AP1G1: variants seen among roughly 807,000 people sequenced by gnomAD.
AP1G1 encodes the protein adaptor related protein complex 1 subunit gamma 1.
Under a neutral mutation model 108.3 loss-of-function variants are expected in AP1G1, and 7 were observed. That is an observed-to-expected ratio of 0.06 (90% CI 0.04 to 0.12). The LOEUF (loss-of-function observed/expected upper bound fraction) is 0.12. AP1G1 is among the 10% of genes least tolerant of loss of function. The probability of loss-of-function intolerance (pLI) is 1.00; values close to 1 mark genes in which losing one functional copy is unlikely to be tolerated. For synonymous variants in AP1G1, 379 were observed against 353.5 expected (o/e 1.07, Z -0.81); for missense variants, 756 against 1,010.7 (o/e 0.75, Z 3.42).
chr16:71,754,434 A>G (rs1179908143), intron 12 of AP1G1, among the ~76,000 whole-genome samples: 1 of 152,214 alleles, frequency 6.6e-6, no homozygotes, highest in Admixed American at 6.5e-5. Flanking sequence ...TTCCCTGGAT[A>G]AGTGAACATA....
intron 16 of AP1G1, chr16:71,746,895 T>A: frequency 2.5e-6 from 1 of 407,782 alleles, no homozygotes; most frequent in Non-Finnish European, 4.4e-6. Context: ...ATTGTAACAC[T>A]AGATTTTTGT....
chr16:71,779,144 C>T (rs756426138), intron 2 of AP1G1, among the ~76,000 whole-genome samples: 6 of 152,108 alleles, frequency 3.9e-5, no homozygotes, highest in Non-Finnish European at 7.4e-5. Context: ...CCTAAGAGAT[C>T]GAAGTTTTCA....
rs575676400 is a variant in AP1G1 at position 71,739,018 on chromosome 16, G to A, written c.2192C>T (p.Thr731Ile). 1 of 1,614,132 alleles carries A rather than the reference G, an allele frequency of 6.2e-7. No individual in the cohort carries two copies. Among genetic ancestry groups the A allele is most frequent in the East Asian group, 2.2e-5 (1 of 44,882 alleles). The change falls in exon 21 of 23, where the codon ACA becomes ATA. Residue 731 changes from threonine to isoleucine, a missense_variant. Thr to Ile is a moderately conservative substitution (Grantham distance 89). Coordinates refer to ENST00000299980, the MANE Select transcript of AP1G1 (RefSeq NM_001128.6). ...FERSNTNPSV[T>I]VITIQASNST... ...GTTGGAGGCCTGTATCGTTATCACTGTTACACTGGGGTTGGTATTTGACCG... is the reference window on the plus strand; with the variant it reads ...GTTGGAGGCCTGTATCGTTATCACTATTACACTGGGGTTGGTATTTGACCG...
At position 71,731,371 on chromosome 16, in the gene AP1G1, C is replaced by G. The variant is rs1421877758; in HGVS notation, c.*1687G>C. ...GAATATTCCAGCATCTGATACAGAG[C>G]TAGATTTGACAAGACACTGAAGATT... On this transcript the variant is annotated 3_prime_UTR_variant, in exon 23 of 23. Transcript: ENST00000299980. 6.6e-6 allele frequency: 1 copy of G among 152,424 alleles called. No homozygotes were observed. The highest frequency in any genetic ancestry group is 1.5e-5 in the Non-Finnish European group (1 of 68,026). The allele number at this position is 152,424 out of a possible 1,614,324, so 9.4% of individuals were successfully genotyped here.
chr16:71,795,020 A>C (rs1222983199), intron 1 of AP1G1, among the ~76,000 whole-genome samples: 1 of 151,886 alleles, frequency 6.6e-6, no homozygotes, highest in East Asian at 1.9e-4. Context: ...AAAAAATTGA[A>C]TTGTCCTTTC....
intron 1 of AP1G1, among the ~76,000 whole-genome samples, chr16:71,795,945 T>C (rs1265234120): frequency 6.6e-6 from 1 of 152,164 alleles, no homozygotes; most frequent in Admixed American, 6.6e-5. Flanking sequence ...AGAGATTAAA[T>C]CTGGGGATAG....
intron 2 of AP1G1, among the ~76,000 whole-genome samples, chr16:71,777,103 T>C (rs781548529): frequency 3.0e-5 from 2 of 67,568 alleles, no homozygotes; most frequent in South Asian, 4.5e-4. Context: ...AGCCAAACTG[T>C]TACAAAAAAA....
chr16:71,792,198 A>G (rs1013044972), intron 1 of AP1G1, among the ~76,000 whole-genome samples: 1 of 152,194 alleles, frequency 6.6e-6, no homozygotes, highest in Non-Finnish European at 1.5e-5. Flanking sequence ...TCTGAACCAT[A>G]AAGGTGTCAA....
intron 4 of AP1G1, among the ~76,000 whole-genome samples, chr16:71,772,107 G>A (rs1261321129): frequency 2.7e-5 from 4 of 149,886 alleles, no homozygotes; most frequent in African/African-American, 9.8e-5. Flanking sequence ...TTATATTTGG[G>A]AGGAAAAAAT....
chr16:71,745,576 A>C lies in AP1G1; in HGVS notation c.1769T>G (p.Val590Gly). ...AATCTCAGTAGGGCCATTTGTGGTCACTTTTTCCATGACAGGCATTCTCTC... is the reference window on the plus strand; with the variant it reads ...AATCTCAGTAGGGCCATTTGTGGTCCCTTTTTCCATGACAGGCATTCTCTC... Reference protein sequence around the residue: ...LLERMPVMEKVTTNGPTEIVQ... With the variant: ...LLERMPVMEKGTTNGPTEIVQ... Residue 590 changes from valine to glycine, a missense_variant, in exon 18 of 23, where the codon GTG becomes GGG. This residue lies in a region of AP1G1 where 357 missense variants were observed against 366.5 expected (regional missense o/e 0.97). Transcript: ENST00000299980. The C allele has an allele frequency of 6.2e-7, 1 of 1,614,184 alleles. No individual in the cohort carries two copies. Among genetic ancestry groups the C allele is most frequent in the South Asian group, 1.1e-5 (1 of 91,088 alleles).
intron 6 of AP1G1, chr16:71,767,931 C>G: frequency 6.3e-7 from 1 of 1,588,014 alleles, no homozygotes; most frequent in South Asian, 1.1e-5. Flanking sequence ...ACAAAACATA[C>G]AAAGCAAGCA....
chr16:71,734,548 T>G, intron 22 of AP1G1, 61 bp downstream of exon 22: 8 of 1,386,606 alleles, frequency 5.8e-6, no homozygotes, highest in Non-Finnish European at 8.2e-6. Context: ...AAAGCAGAAT[T>G]TTATTTCGGG....
rs992278396 is a variant in AP1G1, at chr16:71,756,075, C to T, written c.1173G>A (p.Ser391=). 34 of 1,612,774 alleles carry T rather than the reference C, an allele frequency of 2.1e-5. No homozygotes were observed. The highest frequency in any genetic ancestry group is 3.3e-4 in the Middle Eastern group (2 of 6,084). ...AGTCTGCTTTAAATTCTGGCTCACA[C>T]GAATCCAGAAAATAAAGTAATTCTT... ...MMKELLYFLD[S]CEPEFKADCA... Residue 391 remains serine, a synonymous_variant, in exon 12 of 23, where the codon TCG becomes TCA. Transcript: ENST00000299980.
At chr16:71,750,467 T>C in intron 13 of AP1G1, 135 bp from the exon 14 acceptor site, 1 of 1,072,764 alleles carries the variant, frequency 9.3e-7, no homozygotes, top group Non-Finnish European at 1.3e-6. Context: ...CAGGCTGGAG[T>C]GCGATAGCGC....
At position 71,789,431 on chromosome 16, in the gene AP1G1, C is replaced by T; in HGVS notation, c.49G>A (p.Ala17Thr). The part of the protein sequence containing the change: ...LRELIRTIRT[A>T]RTQAEEREMI... ...TCTCGTTCTTCAGCTTGGGTTCGGG[C>T]TGTCCGGATGGTCCGGATCAGCTCC... is the stretch of plus-strand genomic sequence containing the variant. The change falls in exon 2 of 23, where the codon GCC becomes ACC. Residue 17 changes from alanine (A) to threonine (T), a missense_variant. Around this residue, in one of 3 missense-constraint regions of AP1G1, gnomAD observed 304 missense variants for 483.6 expected, o/e 0.63. Transcript: ENST00000299980. 1 of 1,614,184 alleles carries T rather than the reference C, an allele frequency of 6.2e-7. No homozygotes were observed. The highest frequency in any genetic ancestry group is 8.5e-7 in the Non-Finnish European group (1 of 1,180,044).
chr16:71,753,554 C>T (rs2030617266), intron 13 of AP1G1: 3 of 402,364 alleles, frequency 7.5e-6, no homozygotes, highest in Non-Finnish European at 1.4e-5. Flanking sequence ...CACCTCATGT[C>T]TCTTAGGTCT....
Position 71,756,076 on chromosome 16 carries a change from G to T in AP1G1, c.1172C>A (p.Ser391Ter). 1 of 1,612,646 alleles carries T rather than the reference G, an allele frequency of 6.2e-7. No individual in the cohort carries two copies. The highest frequency in any genetic ancestry group is 8.5e-7 in the Non-Finnish European group (1 of 1,179,302). The change falls in exon 12 of 23, where the codon TCG (serine) becomes TAG (stop). Residue 391 changes from serine to a stop codon, truncating the protein, a stop_gained. Transcript: ENST00000299980. LOFTEE classifies it high-confidence loss of function. ...GTCTGCTTTAAATTCTGGCTCACAC[G>T]AATCCAGAAAATAAAGTAATTCTTT... is the stretch of plus-strand genomic sequence containing the variant. ...MMKELLYFLD[S>*]CEPEFKADCA...
chr16:71,787,006 CA>C (rs1236094655), intron 2 of AP1G1, among the ~76,000 whole-genome samples: 1 of 151,904 alleles, frequency 6.6e-6, no homozygotes, highest in African/African-American at 2.4e-5. Flanking sequence ...GCCTGGGCAA[CA>C]GAGTGAGATC....
chr16:71,796,958 C>A (rs2032608051), intron 1 of AP1G1, among the ~76,000 whole-genome samples: 1 of 151,100 alleles, frequency 6.6e-6, no homozygotes, highest in South Asian at 2.1e-4. Context: ...ATGCTTGATT[C>A]CAGGAGTTCA....
Sources: gnomAD v4.1 joint callset for allele counts (sites outside exome capture counted in the v4.1 genomes callset) on GRCh38, gnomAD v4.1.1 for gene constraint, gnomAD v4.1.1 regional missense constraint, MANE v1.5 for transcripts, NCBI Gene and HGNC (gene_info 2026-07-23, HGNC 2026-07-21) for gene names.